TPCN2: variants seen among roughly 807,000 people sequenced by gnomAD.
TPCN2 encodes the protein two pore segment channel 2, also known as two pore channel protein 2.
A neutral mutation model predicts 111.4 loss-of-function variants in TPCN2; 92 were observed. That is an observed-to-expected ratio of 0.83 (90% CI 0.70 to 0.98). TPCN2 has a LOEUF of 0.98. TPCN2 is among the 50% of genes least tolerant of loss of function. The pLI, the probability that TPCN2 is intolerant of heterozygous loss-of-function variation, is 0.00. For missense variants in TPCN2, 995 were observed against 980.1 expected (o/e 1.02, Z -0.20); for synonymous variants, 405 against 414.5 (o/e 0.98, Z 0.28).
intron 7 of TPCN2, among the ~76,000 whole-genome samples, chr11:69,066,967 G>A (rs1315302041): frequency 6.6e-6 from 1 of 152,224 alleles, no homozygotes; most frequent in African/African-American, 2.4e-5. Flanking sequence ...ACTCCGGTGT[G>A]GATGCCCCCT....
intron 7 of TPCN2, 71 bp from the exon 8 acceptor site, chr11:69,067,432 T>C (rs1590724418): frequency 1.4e-6 from 2 of 1,419,344 alleles, no homozygotes; most frequent in East Asian, 4.6e-5. Flanking sequence ...GCCGGTTGGG[T>C]CCGGGGCCTG....
rs192295253 is a variant in TPCN2, at chr11:69,060,545, C to T, written c.547-2339C>T. The stretch of plus-strand genomic sequence containing the variant: ...GTTTGGACGTGGTTTTTCCTCAAGG[C>T]CTTGGGTCTGAGGGTCCCAGGGGCT... On this transcript the variant is annotated intron_variant, in intron 5 of 24. Coordinates refer to ENST00000294309, the MANE Select transcript of TPCN2 (RefSeq NM_139075.4). Among the ~76,000 whole-genome samples, 266 of 152,302 alleles carry T rather than the reference C, an allele frequency of 1.7e-3. 1 individual carries two copies. Among genetic ancestry groups the T allele is most frequent in the African/African-American group, 6.1e-3 (255 of 41,552 alleles).
At chr11:69,075,725 T>A (rs1438426844) in intron 13 of TPCN2, among the ~76,000 whole-genome samples, 2 of 152,226 alleles carry the variant, frequency 1.3e-5, no homozygotes, top group Non-Finnish European at 2.9e-5. Flanking sequence ...GGCGTCAGCC[T>A]GGCCGTGGCC....
chr11:69,082,707 C>T (rs1208050385), intron 18 of TPCN2, among the ~76,000 whole-genome samples: 1 of 97,878 alleles, frequency 1.0e-5, no homozygotes, highest in African/African-American at 4.0e-5. Flanking sequence ...TGTGTGCACA[C>T]ATCGCGTGCA....
At chr11:69,071,120 TTCACCCCAGGGATC>T in intron 9 of TPCN2, among the ~76,000 whole-genome samples, 2 of 137,094 alleles carry the variant, frequency 1.5e-5, no homozygotes, top group Non-Finnish European at 1.6e-5. Flanking sequence ...CACCAACAGC[TTCACCCCAGGGATC>T]CCCCACCAAC....
intron 2 of TPCN2, 86 bp from the exon 3 acceptor site, chr11:69,054,635 G>T (rs2134518367): frequency 7.9e-7 from 1 of 1,266,196 alleles, no homozygotes; most frequent in East Asian, 2.4e-5. Context: ...TGAGACTTGG[G>T]CCTGTCTCGT....
chr11:69,079,380 G>C (rs1005239024), intron 16 of TPCN2: 4 of 311,090 alleles, frequency 1.3e-5, no homozygotes, highest in African/African-American at 8.6e-5. Context: ...GGAGCGAGGG[G>C]CCAGGGGGCT....
At chr11:69,068,274 GACC>G (rs1565086609) in intron 8 of TPCN2, among the ~76,000 whole-genome samples, 12 of 151,550 alleles carry the variant, frequency 7.9e-5, no homozygotes, top group African/African-American at 2.9e-4. Flanking sequence ...GTGGGAGCAG[GACC>G]GTCTGAGTCC....
chr11:69,055,069 C>T, intron 3 of TPCN2, 106 bp from the exon 4 acceptor site: 3 of 1,240,698 alleles, frequency 2.4e-6, no homozygotes, highest in Non-Finnish European at 3.4e-6. Context: ...TGTCCACGCT[C>T]AGGCAGCGCC....
chr11:69,071,251 G>C, intron 9 of TPCN2, 105 bp from the exon 10 acceptor site: 1 of 847,044 alleles, frequency 1.2e-6, no homozygotes, highest in South Asian at 1.4e-5. Context: ...GTTTCCATTT[G>C]ATAGGGGACG....
intron 23 of TPCN2, 48 bp from the exon 24 acceptor site, chr11:69,087,064 G>A: frequency 6.5e-7 from 1 of 1,545,166 alleles, no homozygotes; most frequent in Non-Finnish European, 8.9e-7. Flanking sequence ...GGGCAAGGCT[G>A]CTTTCATTCG....
intron 24 of TPCN2, among the ~76,000 whole-genome samples, chr11:69,087,468 T>C (rs1187669222): frequency 6.6e-6 from 1 of 152,116 alleles, no homozygotes; most frequent in Admixed American, 6.5e-5. Flanking sequence ...TCCTTCAGGG[T>C]CCATTGGATC....
chr11:69,080,892 A>G (rs1855976969), intron 17 of TPCN2, among the ~76,000 whole-genome samples: 1 of 152,174 alleles, frequency 6.6e-6, no homozygotes, highest in South Asian at 2.1e-4. Flanking sequence ...AAATGAAAGC[A>G]TGGAAAGACC....
chr11:69,078,337 G>A (rs1855875420), intron 13 of TPCN2, 145 bp from the exon 14 acceptor site: 2 of 1,040,316 alleles, frequency 1.9e-6, no homozygotes, highest in Non-Finnish European at 2.7e-6. Context: ...TCTGTGTCTG[G>A]GATTATTTCC....
At chr11:69,069,405 A>G (rs373787293) in intron 8 of TPCN2, among the ~76,000 whole-genome samples, 312 of 30,468 alleles carry the variant, frequency 0.01, 41 homozygotes, top group East Asian at 0.057. Context: ...TGGGAGCAGG[A>G]CCGTCTGAGT....
At chr11:69,070,667 G>A (rs887157420) in intron 9 of TPCN2, among the ~76,000 whole-genome samples, 172 bp downstream of exon 9, 1 of 149,460 alleles carries the variant, frequency 6.7e-6, no homozygotes, top group Non-Finnish European at 1.5e-5. Context: ...CCCACCAACA[G>A]CTTCACCCGA....
chr11:69,077,332 C>CCA (rs1855834898), intron 13 of TPCN2, among the ~76,000 whole-genome samples: 1 of 83,330 alleles, frequency 1.2e-5, no homozygotes, highest in Non-Finnish European at 2.9e-5. Context: ...TGCCCTCCTG[C>CCA]TGTGTCCCTT....
chr11:69,057,616 T>C lies in TPCN2; in HGVS notation c.468T>C (p.Leu156=), dbSNP rs775194898. ...LFGWAHFQKN[L]WLLGYLVVLV... ...GGTGGGCCCATTTCCAGAAAAACCT[T>C]TGGCTGCTGGGCTACCTCGTGGTGC... The change falls in exon 5 of 25, where the codon CTT becomes CTC. Residue 156 remains leucine, a synonymous_variant. Coordinates refer to ENST00000294309, the MANE Select transcript of TPCN2 (RefSeq NM_139075.4). The C allele has an allele frequency of 6.2e-7, 1 of 1,614,180 alleles. No homozygotes were observed. Among genetic ancestry groups the C allele is most frequent in the South Asian group, 1.1e-5 (1 of 91,074 alleles).
chr11:69,067,325 C>T (rs1051941493), intron 7 of TPCN2, among the ~76,000 whole-genome samples, 178 bp from the exon 8 acceptor site: 12 of 152,238 alleles, frequency 7.9e-5, no homozygotes, highest in African/African-American at 1.9e-4. Context: ...CCCACTCTTG[C>T]GCCCGGAGAT....
Sources: gnomAD v4.1 joint callset for allele counts (sites outside exome capture counted in the v4.1 genomes callset) on GRCh38, gnomAD v4.1.1 for gene constraint, MANE v1.5 for transcripts, NCBI Gene and HGNC (gene_info 2026-07-23, HGNC 2026-07-21) for gene names.